The following MYO6 variants were observed in gnomAD, a reference collection of about 807,000 sequenced individuals.
The protein encoded by MYO6 is unconventional myosin-VI.
MYO6 carries 74 observed loss-of-function variants against 178.7 expected under a neutral mutation model. That is an observed-to-expected ratio of 0.41 (90% CI 0.34 to 0.50). The LOEUF is 0.50. Among genes scored for constraint, MYO6 ranks in the 20% least tolerant of loss-of-function variants. MYO6 has a pLI of 0.09. For synonymous variants in MYO6, 477 were observed against 504.6 expected (o/e 0.95, Z 0.73); for missense variants, 1,330 against 1,547.4 (o/e 0.86, Z 2.36).
intron 1 of MYO6, among the ~76,000 whole-genome samples, chr6:75,790,441 G>T (rs374070314): frequency 1.3e-5 from 2 of 149,978 alleles, no homozygotes; most frequent in African/African-American, 4.9e-5. Context: ...GCAGTGGCAC[G>T]ATCTCGGCTC....
chr6:75,823,776 T>G (rs964205455), intron 3 of MYO6, among the ~76,000 whole-genome samples: 2 of 152,256 alleles, frequency 1.3e-5, no homozygotes, highest in Non-Finnish European at 2.9e-5. Context: ...TAGGAGGCTG[T>G]CTGCTCGTGG....
chr6:75,766,435 A>G (rs1026180136), intron 1 of MYO6, among the ~76,000 whole-genome samples: 32 of 152,156 alleles, frequency 2.1e-4, no homozygotes, highest in African/African-American at 7.7e-4. Context: ...AAATTAATAC[A>G]GTATTCTAAC....
At chr6:75,902,490 T>C (rs1779884060) in intron 30 of MYO6, among the ~76,000 whole-genome samples, 1 of 152,388 alleles carries the variant, frequency 6.6e-6, no homozygotes, top group South Asian at 2.1e-4. Context: ...CCATTTCTTC[T>C]AGATTTTCTA....
intron 29 of MYO6, among the ~76,000 whole-genome samples, chr6:75,896,641 G>A (rs1779333105): frequency 6.6e-6 from 1 of 152,184 alleles, no homozygotes; most frequent in African/African-American, 2.4e-5. Context: ...TTTCACCTCT[G>A]TATGTCTCAC....
At chr6:75,756,228 C>CAA (rs35268480) in intron 1 of MYO6, among the ~76,000 whole-genome samples, 1 of 146,086 alleles carries the variant, frequency 6.8e-6, no homozygotes, top group African/African-American at 2.6e-5. Flanking sequence ...GATTCTGTCT[C>CAA]AAAAAAAAAA....
chr6:75,898,529 T>A lies in MYO6; in HGVS notation c.3176+118T>A, dbSNP rs1039923127. ...AGTAGCCTAGTCTTTCTATGTAAAGTGATATTTCTTTCTGTACAAGAAATA... is the reference window on the plus strand; with the variant it reads ...AGTAGCCTAGTCTTTCTATGTAAAGAGATATTTCTTTCTGTACAAGAAATA... On this transcript the variant is annotated intron_variant, in intron 30 of 34. Coordinates refer to ENST00000369977, the MANE Select transcript of MYO6 (RefSeq NM_004999.4). The A allele has an allele frequency of 6.0e-6, 5 of 831,914 alleles. No homozygotes were observed. In the Admixed American group the frequency reaches 8.2e-5, roughly 14 times the overall value. The allele number at this position is 831,914 out of a possible 1,614,324, so 51.5% of individuals were successfully genotyped here.
chr6:75,886,859 T>A lies in MYO6; in HGVS notation c.2523T>A (p.Val841=). 2 of 1,613,808 alleles carry A rather than the reference T, an allele frequency of 1.2e-6. No individual in the cohort carries two copies. Among genetic ancestry groups the A allele is most frequent in the Non-Finnish European group, 1.7e-6 (2 of 1,179,878 alleles). Residue 841 remains valine, a synonymous_variant, in exon 25 of 35, where the codon GTT becomes GTA. Transcript: ENST00000369977. ...RRHKPRIDGL[V]KVGTLKKRLD... ...ATTTTTACAGCATTGATGGTCTGGT[T>A]AAGGTGGGCACACTGAAAAAACGAC...
chr6:75,774,290 T>C (rs944573121), intron 1 of MYO6, among the ~76,000 whole-genome samples: 2 of 152,234 alleles, frequency 1.3e-5, no homozygotes, highest in African/African-American at 4.8e-5. Flanking sequence ...TTTAACAGCA[T>C]GATAGTTAAC....
chr6:75,822,753 G>T, intron 2 of MYO6, 29 bp from the exon 3 acceptor site: 1 of 1,599,134 alleles, frequency 6.3e-7, no homozygotes, highest in Non-Finnish European at 8.6e-7. Context: ...AAAGCCTTGA[G>T]TTTAATGAGC....
chr6:75,871,748 AT>A (rs1777170090), intron 19 of MYO6, among the ~76,000 whole-genome samples: 1 of 152,234 alleles, frequency 6.6e-6, no homozygotes, highest in African/African-American at 2.4e-5. Flanking sequence ...GAGTATTTTT[AT>A]TTCTTAGATA....
chr6:75,815,753 CT>C (rs1771174627), intron 1 of MYO6, among the ~76,000 whole-genome samples: 1 of 152,206 alleles, frequency 6.6e-6, no homozygotes. Flanking sequence ...GCCAAACGTC[CT>C]TGACTTTCAT....
At chr6:75,798,834 A>G (rs537470088) in intron 1 of MYO6, among the ~76,000 whole-genome samples, 8 of 152,330 alleles carry the variant, frequency 5.3e-5, no homozygotes, top group Non-Finnish European at 1.2e-4. Flanking sequence ...TTTGCTGATG[A>G]TACATTCTAT....
At chr6:75,779,879 C>G (rs1766782655) in intron 1 of MYO6, among the ~76,000 whole-genome samples, 1 of 152,178 alleles carries the variant, frequency 6.6e-6, no homozygotes, top group Non-Finnish European at 1.5e-5. Context: ...GTTATCCCAT[C>G]TCTAGATTCA....
intron 7 of MYO6, among the ~76,000 whole-genome samples, chr6:75,839,163 T>A (rs933108144): frequency 1.3e-5 from 2 of 151,990 alleles, no homozygotes; most frequent in Non-Finnish European, 2.9e-5. Flanking sequence ...AAATATGACT[T>A]CATGTTTATT....
At chr6:75,837,579 G>T (rs898583028) in intron 7 of MYO6, among the ~76,000 whole-genome samples, 1 of 152,132 alleles carries the variant, frequency 6.6e-6, no homozygotes, top group African/African-American at 2.4e-5. Flanking sequence ...TAGGGGCCTT[G>T]TATGTTCATG....
chr6:75,810,573 A>G (rs1299359060), intron 1 of MYO6, among the ~76,000 whole-genome samples: 2 of 152,118 alleles, frequency 1.3e-5, no homozygotes, highest in Non-Finnish European at 2.9e-5. Flanking sequence ...TCAGTTTTTC[A>G]AGTTCCTCTG....
chr6:75,889,254 A>G (rs1778708029), intron 25 of MYO6, among the ~76,000 whole-genome samples: 1 of 152,238 alleles, frequency 6.6e-6, no homozygotes, highest in South Asian at 2.1e-4. Flanking sequence ...ATCATTATAA[A>G]TTAAAATTAA....
At chr6:75,788,872 T>A (rs1257248650) in intron 1 of MYO6, among the ~76,000 whole-genome samples, 3 of 152,118 alleles carry the variant, frequency 2.0e-5, no homozygotes, top group Non-Finnish European at 4.4e-5. Context: ...GAGAAGGGAA[T>A]TAAGGAATTA....
chr6:75,884,440 A>G (rs1047303844), intron 23 of MYO6, among the ~76,000 whole-genome samples: 1 of 152,238 alleles, frequency 6.6e-6, no homozygotes, highest in African/African-American at 2.4e-5. Context: ...AGTGTAGCAT[A>G]CTAAGGAAAT....
Sources: gnomAD v4.1 joint callset for allele counts (sites outside exome capture counted in the v4.1 genomes callset) on GRCh38, gnomAD v4.1.1 for gene constraint, MANE v1.5 for transcripts, NCBI Gene and HGNC (gene_info 2026-07-23, HGNC 2026-07-21) for gene names.